DKK1: variants seen among roughly 807,000 people sequenced by gnomAD.
DKK1 encodes dickkopf-related protein 1.
DKK1 carries 18 observed loss-of-function variants against 26.0 expected under a neutral mutation model. The observed-to-expected ratio is 0.69, with a 90% CI of 0.48 to 1.03. The LOEUF is 1.03. Ranked by LOEUF, DKK1 falls within the 50% of genes least tolerant of loss-of-function variation. The pLI, the probability that DKK1 is intolerant of heterozygous loss-of-function variation, is 0.00. For missense variants in DKK1, 335 were observed against 348.5 expected, an observed-to-expected ratio of 0.96 and a Z score of 0.31; for synonymous variants, 130 against 132.6, an observed-to-expected ratio of 0.98 and a Z score of 0.13.
In DKK1 at chr10:52,316,326, C is replaced by T; in HGVS notation, c.438C>T (p.Phe146=). The T allele has an allele frequency of 6.2e-7, 1 of 1,614,068 alleles. No homozygotes were observed. The highest frequency in any genetic ancestry group is 8.5e-7 in the Non-Finnish European group (1 of 1,180,002). Reference sequence around the variant, plus strand: ...GTGTGTCTTCTGATCAAAATCATTTCCGAGGAGAAATTGAGGAAACCATCA... The same window carrying T: ...GTGTGTCTTCTGATCAAAATCATTTTCGAGGAGAAATTGAGGAAACCATCA... ...GICVSSDQNH[F]RGEIEETITE... is the part of the protein sequence containing the mutation. The change falls in exon 3 of 4, where the codon TTC becomes TTT. Residue 146 remains phenylalanine (F), a synonymous_variant. Coordinates refer to ENST00000373970, the MANE Select transcript of DKK1 (RefSeq NM_012242.4).
At position 52,317,560 on chromosome 10, in the gene DKK1, G is replaced by A. The variant is rs1005894105; in HGVS notation, c.*753G>A. 2.0e-5 allele frequency: 3 copies of A among 152,138 alleles called. No individual in the cohort carries two copies. The highest frequency in any genetic ancestry group is 4.4e-5 in the Non-Finnish European group (3 of 68,010). The allele number at this position is 152,138 out of a possible 1,614,324, so 9.4% of individuals were successfully genotyped here. On this transcript the variant is annotated 3_prime_UTR_variant, in exon 4 of 4. Transcript: ENST00000373970. ...CTCTAGAATAACTTTAAAGAAAGACGTGTTCTGCATTGATAAACTCAAATG... is the reference window on the plus strand; with the variant it reads ...CTCTAGAATAACTTTAAAGAAAGACATGTTCTGCATTGATAAACTCAAATG...
intron 2 of DKK1, among the ~76,000 whole-genome samples, chr10:52,315,540 T>G (rs1382092024): frequency 6.6e-6 from 1 of 152,174 alleles, no homozygotes. Flanking sequence ...CGCCTTCTGA[T>G]TTTTGCTGAA....
In DKK1 at chr10:52,314,619, C is replaced by T; in HGVS notation, c.185C>T (p.Ala62Val). 6.2e-7 allele frequency: 1 copy of T among 1,613,290 alleles called. No homozygotes were observed. Among genetic ancestry groups the T allele is most frequent in the Non-Finnish European group, 8.5e-7 (1 of 1,179,982 alleles). The change falls in exon 1 of 4, where the codon GCC (alanine) becomes GTC (valine). Residue 62 changes from alanine to valine, a missense_variant. Transcript: ENST00000373970. This position sits in a 1 kb window ranked among gnomAD's most constrained non-coding sequence, Gnocchi z 5.7. ...GGGCACCCAGGCTCTGCAGTCAGCGCCGCGCCGGGAATCCTGTACCCGGGC... is the reference window on the plus strand; with the variant it reads ...GGGCACCCAGGCTCTGCAGTCAGCGTCGCGCCGGGAATCCTGTACCCGGGC... The part of the protein sequence containing the change: ...AAGHPGSAVS[A>V]APGILYPGGN...
chr10:52,314,603 G>A lies in DKK1; in HGVS notation c.169G>A (p.Gly57Ser), dbSNP rs778465064. Reference sequence around the variant, plus strand: ...GCTGGGCGGCGCTGCGGGGCACCCAGGCTCTGCAGTCAGCGCCGCGCCGGG... The same window carrying A: ...GCTGGGCGGCGCTGCGGGGCACCCAAGCTCTGCAGTCAGCGCCGCGCCGGG... ...PPLGGAAGHPGSAVSAAPGIL... is the reference protein window; with the variant it reads ...PPLGGAAGHPSSAVSAAPGIL... The change falls in exon 1 of 4, where the codon GGC (glycine) becomes AGC (serine). Residue 57 changes from glycine to serine, a missense_variant. Coordinates refer to ENST00000373970, the MANE Select transcript of DKK1 (RefSeq NM_012242.4). This position sits in a 1 kb window ranked among gnomAD's most constrained non-coding sequence, Gnocchi z 5.7. 5.6e-6 allele frequency: 9 copies of A among 1,613,388 alleles called. No homozygotes were observed. The highest frequency in any genetic ancestry group is 7.6e-6 in the Non-Finnish European group (9 of 1,179,998).
Position 52,314,599 on chromosome 10 carries a change from C to A in DKK1, c.165C>A (p.His55Gln). ...LPPPLGGAAG[H>Q]PGSAVSAAPG... ...CACCGCTGGGCGGCGCTGCGGGGCA[C>A]CCAGGCTCTGCAGTCAGCGCCGCGC... Residue 55 changes from histidine to glutamine, a missense_variant, in exon 1 of 4, where the codon CAC becomes CAA. His to Gln is a conservative substitution (Grantham distance 24). Transcript: ENST00000373970. The surrounding 1 kb of genome is among the most constrained non-coding windows in gnomAD (Gnocchi z 5.7). The A allele has an allele frequency of 1.9e-6, 3 of 1,613,470 alleles. No homozygotes were observed. The highest frequency in any genetic ancestry group is 1.7e-6 in the Non-Finnish European group (2 of 1,179,976).
At chr10:52,316,110 G>T (rs182576425) in intron 2 of DKK1, among the ~76,000 whole-genome samples, 185 bp from the exon 3 acceptor site, 1 of 152,274 alleles carries the variant, frequency 6.6e-6, no homozygotes, top group Non-Finnish European at 1.5e-5. Context: ...TATACACATT[G>T]GTGCTTCTGT....
In DKK1 at chr10:52,314,696, T is replaced by A. The variant is rs912596077; in HGVS notation, c.243+19T>A. 1.2e-6 allele frequency: 2 copies of A among 1,609,966 alleles called. No individual in the cohort carries two copies. Among genetic ancestry groups the A allele is most frequent in the Non-Finnish European group, 1.7e-6 (2 of 1,178,010 alleles). On this transcript the variant is annotated intron_variant, in intron 1 of 3. Transcript: ENST00000373970. This position sits in a 1 kb window ranked among gnomAD's most constrained non-coding sequence, Gnocchi z 5.7. ...CTACCAGGTGAGAGGGGTCGGGCAC[T>A]CAGAGGATGCTCTGACCTTGAAAGG...
At chr10:52,316,228 A>G (rs1220700556) in intron 2 of DKK1, 67 bp from the exon 3 acceptor site, 5 of 1,569,154 alleles carry the variant, frequency 3.2e-6, no homozygotes, top group Non-Finnish European at 4.3e-6. Flanking sequence ...ACAGACTGCC[A>G]CTGTCACAGC....
At position 52,314,398 on chromosome 10, in the gene DKK1, A is replaced by G. The variant is rs1842594617; in HGVS notation, c.-37A>G. 1 of 1,609,908 alleles carries G rather than the reference A, an allele frequency of 6.2e-7. No homozygotes were observed. The highest frequency in any genetic ancestry group is 1.1e-5 in the South Asian group (1 of 90,940). The stretch of plus-strand genomic sequence containing the variant: ...GACCCAGGCTTGCAAAGTGACGGTC[A>G]TTTTCTCTTTCTTTCTCCCTCTTGA... On this transcript the variant is annotated 5_prime_UTR_variant, in exon 1 of 4. Transcript: ENST00000373970. This position sits in a 1 kb window ranked among gnomAD's most constrained non-coding sequence, Gnocchi z 5.7.
chr10:52,315,099 G>C lies in DKK1; in HGVS notation c.406+14G>C. ...ACTGCAAAAATGGTGAGTCCTGAAA[G>C]CTCCCTTTCACACTAAAACTGTCCA... On this transcript the variant is annotated intron_variant, in intron 2 of 3. Coordinates refer to ENST00000373970, the MANE Select transcript of DKK1 (RefSeq NM_012242.4). 8.1e-7 allele frequency: 1 copy of C among 1,234,868 alleles called. No homozygotes were observed. Among genetic ancestry groups the C allele is most frequent in the African/African-American group, 1.7e-5 (1 of 58,022 alleles). 76.5% of individuals were successfully genotyped at this position (1,234,868 alleles called of 1,614,324 possible).
chr10:52,316,939 C>A lies in DKK1; in HGVS notation c.*132C>A. The A allele has an allele frequency of 9.8e-7, 1 of 1,018,126 alleles. No individual in the cohort carries two copies. Among genetic ancestry groups the A allele is most frequent in the Non-Finnish European group, 1.4e-6 (1 of 706,194 alleles). 63.1% of individuals were successfully genotyped at this position (1,018,126 alleles called of 1,614,324 possible). A position where few individuals can be genotyped will look rare whatever the true frequency, so the allele number is the denominator to read the frequency against. On this transcript the variant is annotated 3_prime_UTR_variant, in exon 4 of 4. Transcript: ENST00000373970. ...AGTTAAGCATTCCAATAACACCTTCCAAAAACCTGGAGTGTAAGAGCTTTG... is the reference window on the plus strand; with the variant it reads ...AGTTAAGCATTCCAATAACACCTTCAAAAAACCTGGAGTGTAAGAGCTTTG...
At chr10:52,316,146 G>GT in intron 2 of DKK1, 149 bp from the exon 3 acceptor site, 1 of 941,682 alleles carries the variant, frequency 1.1e-6, no homozygotes, top group South Asian at 1.7e-5. Flanking sequence ...TGCATTAACA[G>GT]TAAAGAGGAA....
chr10:52,315,381 T>C, intron 2 of DKK1: 1 of 283,888 alleles, frequency 3.5e-6, no homozygotes, highest in Non-Finnish European at 6.5e-6. Context: ...CCATAAAAAT[T>C]TGTCTGGGGA....
chr10:52,315,422 A>G, intron 2 of DKK1: 1 of 225,328 alleles, frequency 4.4e-6, no homozygotes. Flanking sequence ...AAGGGGGATG[A>G]TGAGGAGGAC....
Position 52,314,468 on chromosome 10 carries a change from G to C in DKK1, c.34G>C (p.Val12Leu). The change falls in exon 1 of 4, where the codon GTC becomes CTC. Residue 12 changes from valine to leucine, a missense_variant. Transcript: ENST00000373970. The surrounding 1 kb of genome is among the most constrained non-coding windows in gnomAD (Gnocchi z 5.7). The part of the protein sequence containing the change: ...MALGAAGATR[V>L]FVAMVAAALG... ...TCTGGGCGCAGCGGGAGCTACCCGG[G>C]TCTTTGTCGCGATGGTAGCGGCGGC... The C allele has an allele frequency of 6.2e-7, 1 of 1,614,028 alleles. No individual in the cohort carries two copies. Among genetic ancestry groups the C allele is most frequent in the South Asian group, 1.1e-5 (1 of 91,080 alleles).
Position 52,317,006 on chromosome 10 carries a change from A to C in DKK1, c.*199A>C, listed in dbSNP as rs188497850. On this transcript the variant is annotated 3_prime_UTR_variant, in exon 4 of 4. Transcript: ENST00000373970. ...CCCTGTGATTGCAGTAAATTACTGT[A>C]TTGTAAATTCTCAGTGTGGCACTTA... 1.7e-6 allele frequency: 1 copy of C among 595,486 alleles called. No individual in the cohort carries two copies. Among genetic ancestry groups the C allele is most frequent in the African/African-American group, 1.9e-5 (1 of 53,898 alleles). The allele number at this position is 595,486 out of a possible 1,614,324, so 36.9% of individuals were successfully genotyped here.
At chr10:52,315,257 C>A in intron 2 of DKK1, 172 bp downstream of exon 2, 1 of 558,122 alleles carries the variant, frequency 1.8e-6, no homozygotes, top group Non-Finnish European at 2.8e-6. Context: ...GAAGTATCTT[C>A]ATTGCAAGTG....
chr10:52,314,562 A>G lies in DKK1; in HGVS notation c.128A>G (p.Lys43Arg), dbSNP rs1021172322. 6 of 1,613,508 alleles carry G rather than the reference A, an allele frequency of 3.7e-6. No homozygotes were observed. In the African/African-American group the frequency reaches 6.7e-5, roughly 18 times the overall value. The change falls in exon 1 of 4, where the codon AAG (lysine) becomes AGG (arginine). Residue 43 changes from lysine (K) to arginine (R), a missense_variant. By Grantham distance (26) the Lys-to-Arg change is conservative. Transcript: ENST00000373970. The surrounding 1 kb of genome is among the most constrained non-coding windows in gnomAD (Gnocchi z 5.7). ...TCGGTTCTCAATTCCAACGCTATCA[A>G]GAACCTGCCCCCACCGCTGGGCGGC... Reference protein sequence around the residue: ...LNSVLNSNAIKNLPPPLGGAA... With the variant: ...LNSVLNSNAIRNLPPPLGGAA...
intron 2 of DKK1, among the ~76,000 whole-genome samples, chr10:52,315,493 TC>T (rs1053955777): frequency 6.6e-6 from 1 of 152,192 alleles, no homozygotes; most frequent in African/African-American, 2.4e-5. Flanking sequence ...TTTTCATTTT[TC>T]TTATTGTGAT....
Sources: gnomAD v4.1 joint callset for allele counts (sites outside exome capture counted in the v4.1 genomes callset) on GRCh38, gnomAD v4.1.1 for gene constraint, Gnocchi (gnomAD v3.1) non-coding constraint, MANE v1.5 for transcripts, NCBI Gene and HGNC (gene_info 2026-07-23, HGNC 2026-07-21) for gene names.